The following NBAS variants were observed in gnomAD, a reference collection of about 807,000 sequenced individuals.
NBAS encodes the protein NBAS subunit of NRZ tethering complex, also known as NAG/BC035112 fusion.
A neutral mutation model predicts 302.5 loss-of-function variants in NBAS; 219 were observed. The ratio of observed to expected loss-of-function variants is 0.72; its 90% CI spans 0.65 to 0.81. The LOEUF is 0.81. NBAS is among the 30% of genes least tolerant of loss of function. NBAS has a pLI of 0.00. For synonymous variants in NBAS, 1,118 were observed against 1,021.6 expected, an observed-to-expected ratio of 1.09 and a Z score of -1.80; for missense variants, 2,932 against 2,841.6, an observed-to-expected ratio of 1.03 and a Z score of -0.72.
chr2:15,258,108 G>T (rs533484238), intron 44 of NBAS, among the ~76,000 whole-genome samples: 11 of 152,278 alleles, frequency 7.2e-5, no homozygotes, highest in Admixed American at 2.0e-4. Context: ...CCGTGGCAGA[G>T]GAACATAAAT....
the NBAS span, among the ~76,000 whole-genome samples, chr2:14,786,053 G>A: frequency 1.3e-5 from 2 of 152,098 alleles, no homozygotes; most frequent in South Asian, 2.1e-4. Flanking sequence ...GTCTTGGGAG[G>A]GTGTATGTGT....
At chr2:15,213,198 T>C (rs563846867) in intron 48 of NBAS, among the ~76,000 whole-genome samples, 1 of 152,234 alleles carries the variant, frequency 6.6e-6, no homozygotes, top group Non-Finnish European at 1.5e-5. Context: ...CCAAACATTT[T>C]ACTATCAATT....
At chr2:15,089,065 C>T in the NBAS span, among the ~76,000 whole-genome samples, 1 of 152,176 alleles carries the variant, frequency 6.6e-6, no homozygotes, top group Non-Finnish European at 1.5e-5. Context: ...TTCGGTTCTC[C>T]CACAAATCCT....
intron 28 of NBAS, among the ~76,000 whole-genome samples, chr2:15,390,625 T>C (rs1675546283): frequency 6.6e-6 from 1 of 152,066 alleles, no homozygotes; most frequent in Non-Finnish European, 1.5e-5. Flanking sequence ...ATAAAATAGA[T>C]AACTATGTGA....
At chr2:14,815,460 C>T in the NBAS span, among the ~76,000 whole-genome samples, 1 of 152,268 alleles carries the variant, frequency 6.6e-6, no homozygotes, top group African/African-American at 2.4e-5. Context: ...CCAAAGAGTG[C>T]CCATTGGGAA....
chr2:15,075,938 A>C, the NBAS span, among the ~76,000 whole-genome samples: 1 of 152,272 alleles, frequency 6.6e-6, no homozygotes, highest in African/African-American at 2.4e-5. Context: ...TTTTTCAAAC[A>C]AAATGAACAC....
At chr2:15,239,087 C>A (rs1667738213) in intron 44 of NBAS, among the ~76,000 whole-genome samples, 1 of 151,872 alleles carries the variant, frequency 6.6e-6, no homozygotes, top group Non-Finnish European at 1.5e-5. Flanking sequence ...ATTAATATAA[C>A]CTCAAAAGTA....
At chr2:14,786,770 G>C in the NBAS span, among the ~76,000 whole-genome samples, 1 of 152,096 alleles carries the variant, frequency 6.6e-6, no homozygotes, top group African/African-American at 2.4e-5. Context: ...AATAGATGTG[G>C]TGTGGTGCTG....
chr2:14,980,440 C>T, the NBAS span, among the ~76,000 whole-genome samples: 1 of 152,090 alleles, frequency 6.6e-6, no homozygotes, highest in Admixed American at 6.5e-5. Context: ...CCAAAAAAAC[C>T]AGCAGCCTGA....
the NBAS span, among the ~76,000 whole-genome samples, chr2:15,003,641 C>T: frequency 1.4e-4 from 21 of 152,128 alleles, no homozygotes; most frequent in Admixed American, 2.0e-4. Context: ...AGTGAGGGGA[C>T]GAAGGGTCTC....
chr2:15,301,067 G>A (rs2148135806), intron 40 of NBAS, among the ~76,000 whole-genome samples: 1 of 152,216 alleles, frequency 6.6e-6, no homozygotes, highest in Middle Eastern at 3.4e-3. Context: ...GATGTTACCT[G>A]GTAGACATGG....
the NBAS span, among the ~76,000 whole-genome samples, chr2:14,843,519 C>T: frequency 6.6e-6 from 1 of 151,498 alleles, no homozygotes; most frequent in East Asian, 1.9e-4. Context: ...GATCATCCTC[C>T]CCACAAGGCA....
chr2:15,502,277 T>A (rs1656138874), intron 11 of NBAS, among the ~76,000 whole-genome samples: 6 of 152,250 alleles, frequency 3.9e-5, no homozygotes, highest in Admixed American at 3.9e-4. Context: ...GTGAAAATAC[T>A]TGTCAAAGTG....
intron 12 of NBAS, among the ~76,000 whole-genome samples, chr2:15,480,335 T>C (rs1173882358): frequency 6.7e-6 from 1 of 150,162 alleles, no homozygotes; most frequent in Non-Finnish European, 1.5e-5. Context: ...AGCAACACTC[T>C]ATCTCTAAAA....
intron 50 of NBAS, chr2:15,179,494 T>TGA (rs879422458): frequency 4.6e-5 from 9 of 194,102 alleles, no homozygotes; most frequent in Admixed American, 1.3e-4. Context: ...TGTGTGTGTG[T>TGA]GAGAGAGAGA....
the NBAS span, among the ~76,000 whole-genome samples, chr2:15,009,693 C>CATAT: frequency 4.6e-3 from 583 of 126,554 alleles, 12 homozygotes; most frequent in African/African-American, 0.011. Flanking sequence ...TGTAGGAATG[C>CATAT]ATATATATAT....
intron 44 of NBAS, among the ~76,000 whole-genome samples, chr2:15,268,339 C>G (rs920258609): frequency 4.6e-5 from 7 of 152,154 alleles, no homozygotes; most frequent in African/African-American, 1.7e-4. Flanking sequence ...GTATATCCGT[C>G]CAACAATGGT....
At chr2:15,391,340 G>GA (rs1196252639) in intron 28 of NBAS, among the ~76,000 whole-genome samples, 3 of 149,714 alleles carry the variant, frequency 2.0e-5, no homozygotes, top group African/African-American at 7.4e-5. Context: ...AATGAGGCAT[G>GA]AAAGTTTAAT....
intron 48 of NBAS, among the ~76,000 whole-genome samples, chr2:15,192,345 T>C (rs1665400440): frequency 1.3e-5 from 2 of 151,742 alleles, no homozygotes; most frequent in Non-Finnish European, 2.9e-5. Context: ...TGAATGGACA[T>C]ACATATGAAT....
Sources: gnomAD v4.1 joint callset for allele counts (sites outside exome capture counted in the v4.1 genomes callset) on GRCh38, gnomAD v4.1.1 for gene constraint, MANE v1.5 for transcripts, NCBI Gene and HGNC (gene_info 2026-07-23, HGNC 2026-07-21) for gene names.